Variants in ITFG1 observed in about 807,000 individuals in gnomAD.
ITFG1 encodes the protein integrin alpha FG-GAP repeat containing 1.
In ITFG1, 34 loss-of-function variants were observed where a neutral mutation model predicts 81.8. The ratio of observed to expected loss-of-function variants is 0.42; its 90% CI spans 0.32 to 0.55. The LOEUF is 0.55. Among genes scored for constraint, ITFG1 ranks in the 20% least tolerant of loss-of-function variants. The pLI, the probability that ITFG1 is intolerant of heterozygous loss-of-function variation, is 0.17. For missense variants in ITFG1, 672 were observed against 755.4 expected, an observed-to-expected ratio of 0.89 and a Z score of 1.29; for synonymous variants, 285 against 270.6, an observed-to-expected ratio of 1.05 and a Z score of -0.52.
At chr16:47,405,383 T>C (rs1205686690) in intron 6 of ITFG1, among the ~76,000 whole-genome samples, 1 of 152,226 alleles carries the variant, frequency 6.6e-6, no homozygotes, top group African/African-American at 2.4e-5. Flanking sequence ...AAATAGGTTT[T>C]AGGCTGTTTA....
Position 47,258,615 on chromosome 16 carries a change from G to T in ITFG1, c.1330+17C>A. ...GAAGAGAAAGAGAACAAAATTAAATGTTAGTACTTTACTCACCAATAACTT... is the reference window on the plus strand; with the variant it reads ...GAAGAGAAAGAGAACAAAATTAAATTTTAGTACTTTACTCACCAATAACTT... On this transcript the variant is annotated intron_variant, in intron 12 of 17. Coordinates refer to ENST00000320640, the MANE Select transcript of ITFG1 (RefSeq NM_030790.5). The T allele has an allele frequency of 1.8e-6, 2 of 1,083,310 alleles. No individual in the cohort carries two copies. Among genetic ancestry groups the T allele is most frequent in the Non-Finnish European group, 2.8e-6 (2 of 711,432 alleles). 67.1% of individuals were successfully genotyped at this position (1,083,310 alleles called of 1,614,324 possible). A position where few individuals can be genotyped will look rare whatever the true frequency, so the allele number is the denominator to read the frequency against.
chr16:47,359,968 G>A (rs1192607634), intron 8 of ITFG1, among the ~76,000 whole-genome samples: 1 of 152,130 alleles, frequency 6.6e-6, no homozygotes, highest in East Asian at 1.9e-4. Flanking sequence ...GTTTTTGTAT[G>A]CTTGAGGCTT....
intron 6 of ITFG1, among the ~76,000 whole-genome samples, chr16:47,426,943 A>T (rs1016196007): frequency 1.1e-4 from 16 of 152,202 alleles, no homozygotes; most frequent in African/African-American, 3.9e-4. Flanking sequence ...GTAACTGTAA[A>T]ATCAGACTGT....
intron 14 of ITFG1, among the ~76,000 whole-genome samples, chr16:47,189,725 A>G (rs1965269771): frequency 6.6e-6 from 1 of 152,186 alleles, no homozygotes; most frequent in Admixed American, 6.5e-5. Context: ...CTAGGAGTGG[A>G]ATTTTGAGTC....
intron 12 of ITFG1, among the ~76,000 whole-genome samples, chr16:47,243,107 C>A (rs935091858): frequency 2.0e-5 from 3 of 152,020 alleles, no homozygotes; most frequent in Non-Finnish European, 2.9e-5. Flanking sequence ...AGATTGAAAA[C>A]CACATGATAT....
intron 17 of ITFG1, among the ~76,000 whole-genome samples, chr16:47,158,525 A>G (rs116277422): frequency 0.02 from 3,044 of 152,316 alleles, 103 homozygotes; most frequent in African/African-American, 0.069. Flanking sequence ...ATCAGTACAT[A>G]CTGAACACAC....
At chr16:47,409,458 C>T (rs1255809238) in intron 6 of ITFG1, among the ~76,000 whole-genome samples, 1 of 116,448 alleles carries the variant, frequency 8.6e-6, no homozygotes, top group African/African-American at 3.4e-5. Flanking sequence ...CTCTGTCCCC[C>T]AGGCTGGCGT....
In ITFG1 at chr16:47,341,537, G is replaced by T. The variant is rs568196403; in HGVS notation, c.802+24251C>A. 4.0e-5 allele frequency among the ~76,000 whole-genome samples: 6 copies of T among 150,658 alleles called. 1 individual carries two copies. Among genetic ancestry groups the T allele is most frequent in the Admixed American group, 4.0e-4 (6 of 15,144 alleles). On this transcript the variant is annotated intron_variant, in intron 8 of 17. Coordinates refer to ENST00000320640, the MANE Select transcript of ITFG1 (RefSeq NM_030790.5). The stretch of plus-strand genomic sequence containing the variant: ...CAATTCATAGCTTTAGAAGAAAAAA[G>T]ATCTCAAATCAAGAACACCTTGAGA...
At chr16:47,333,168 GA>G (rs1228369608) in intron 8 of ITFG1, among the ~76,000 whole-genome samples, 3 of 152,008 alleles carry the variant, frequency 2.0e-5, no homozygotes, top group Admixed American at 2.0e-4. Context: ...AGTCCTAGTA[GA>G]GGTTATTTTA....
At chr16:47,446,058 GAA>G (rs1448479633) in intron 5 of ITFG1, among the ~76,000 whole-genome samples, 1 of 146,350 alleles carries the variant, frequency 6.8e-6, no homozygotes, top group Non-Finnish European at 1.5e-5. Context: ...TTGTAAGAAA[GAA>G]AAAAAAAAGA....
At chr16:47,408,956 T>C (rs1357856451) in intron 6 of ITFG1, among the ~76,000 whole-genome samples, 3 of 152,140 alleles carry the variant, frequency 2.0e-5, no homozygotes, top group Non-Finnish European at 2.9e-5. Context: ...CAAACACATA[T>C]ACGTAACGTG....
At chr16:47,241,325 T>C (rs567050821) in intron 12 of ITFG1, among the ~76,000 whole-genome samples, 18 of 152,204 alleles carry the variant, frequency 1.2e-4, no homozygotes, top group African/African-American at 3.6e-4. Context: ...GAAACATATA[T>C]CCAAACAGAA....
intron 7 of ITFG1, among the ~76,000 whole-genome samples, chr16:47,367,609 G>T (rs1968193852): frequency 6.6e-6 from 1 of 152,182 alleles, no homozygotes. Context: ...GGTTTCTTAA[G>T]AAATCACTGC....
At chr16:47,374,450 AGATAC>A (rs1968298319) in intron 7 of ITFG1, among the ~76,000 whole-genome samples, 1 of 152,182 alleles carries the variant, frequency 6.6e-6, no homozygotes, top group African/African-American at 2.4e-5. Flanking sequence ...AAAGAACCTC[AGATAC>A]TTAAGGGTGT....
chr16:47,288,803 C>T (rs889847007), intron 10 of ITFG1, among the ~76,000 whole-genome samples: 2 of 151,946 alleles, frequency 1.3e-5, no homozygotes, highest in African/African-American at 2.4e-5. Context: ...GGCTGAGGCA[C>T]GAGAATCGCT....
chr16:47,330,040 T>C (rs1243760716), intron 8 of ITFG1, among the ~76,000 whole-genome samples: 1 of 151,936 alleles, frequency 6.6e-6, no homozygotes, highest in African/African-American at 2.4e-5. Flanking sequence ...AGAACATAAA[T>C]GAAAGAGTGA....
At chr16:47,353,036 A>T (rs1202473226) in intron 8 of ITFG1, among the ~76,000 whole-genome samples, 1 of 151,768 alleles carries the variant, frequency 6.6e-6, no homozygotes, top group Non-Finnish European at 1.5e-5. Flanking sequence ...AGGAAGGGGA[A>T]TATCACACAC....
intron 5 of ITFG1, among the ~76,000 whole-genome samples, chr16:47,435,903 T>C (rs1040462486): frequency 1.3e-5 from 2 of 152,144 alleles, no homozygotes; most frequent in Non-Finnish European, 2.9e-5. Context: ...GAATCTATTA[T>C]AATTATTAAA....
At chr16:47,155,985 T>C (rs1284280857) in intron 17 of ITFG1, among the ~76,000 whole-genome samples, 1 of 152,220 alleles carries the variant, frequency 6.6e-6, no homozygotes, top group Non-Finnish European at 1.5e-5. Flanking sequence ...AAACAATAAA[T>C]ACTTGAATAC....
Sources: gnomAD v4.1 joint callset for allele counts (sites outside exome capture counted in the v4.1 genomes callset) on GRCh38, gnomAD v4.1.1 for gene constraint, MANE v1.5 for transcripts, NCBI Gene and HGNC (gene_info 2026-07-23, HGNC 2026-07-21) for gene names.